Variants in FGFRL1 observed in about 807,000 individuals in gnomAD.
FGFRL1 encodes the protein fibroblast growth factor receptor like 1.
Under a neutral mutation model 36.8 loss-of-function variants are expected in FGFRL1, and 24 were observed. The observed-to-expected ratio is 0.65, with a 90% CI of 0.47 to 0.92. FGFRL1 has a LOEUF of 0.92. FGFRL1 is among the 40% of genes least tolerant of loss of function. The pLI, the probability that FGFRL1 is intolerant of heterozygous loss-of-function variation, is 0.00. For synonymous variants in FGFRL1, 422 were observed against 344.1 expected (o/e 1.23, Z -2.50); for missense variants, 785 against 753.4 (o/e 1.04, Z -0.49).
chr4:1,021,942 T>C (rs1445069492), intron 2 of FGFRL1, among the ~76,000 whole-genome samples: 3 of 152,216 alleles, frequency 2.0e-5, no homozygotes, highest in Non-Finnish European at 4.4e-5. Flanking sequence ...AGCCAGCCTC[T>C]GGGGCCACGG....
intron 3 of FGFRL1, among the ~76,000 whole-genome samples, 199 bp downstream of exon 3, chr4:1,022,674 G>T (rs1447020519): frequency 6.6e-6 from 1 of 152,182 alleles, no homozygotes; most frequent in Admixed American, 6.5e-5. Context: ...TCCTGTCCCC[G>T]TCAGGCTCCA....
In FGFRL1 at chr4:1,018,894, G is replaced by A. The variant is rs137980599; in HGVS notation, c.80-3309G>A. Among the ~76,000 whole-genome samples, 320 of 152,300 alleles carry A rather than the reference G, an allele frequency of 2.1e-3. 5 individuals are homozygous for A. In the South Asian group the frequency reaches 0.057, roughly 27 times the overall value. ...AGCAGGGGGTCCGGGGAGCCCAGGTGGGGGTGGGATAGGCCTGGCGAGGGG... is the reference window on the plus strand; with the variant it reads ...AGCAGGGGGTCCGGGGAGCCCAGGTAGGGGTGGGATAGGCCTGGCGAGGGG... On this transcript the variant is annotated intron_variant, in intron 2 of 6. Transcript: ENST00000510644.
chr4:1,013,534 C>T (rs182758657), intron 2 of FGFRL1, among the ~76,000 whole-genome samples: 1 of 130,680 alleles, frequency 7.7e-6, no homozygotes, highest in Admixed American at 7.0e-5. Context: ...CAGCACCCCC[C>T]CCTACCCCCC....
At chr4:1,012,229 G>A (rs1052623616) in intron 1 of FGFRL1, 30 of 459,914 alleles carry the variant, frequency 6.5e-5, no homozygotes, top group Non-Finnish European at 9.9e-5. Context: ...AGTTACAAGC[G>A]CCAGGAATCC....
At position 1,012,584 on chromosome 4, in the gene FGFRL1, C is replaced by T; in HGVS notation, c.79+20C>T. 2 of 1,249,762 alleles carry T rather than the reference C, an allele frequency of 1.6e-6. No homozygotes were observed. The highest frequency in any genetic ancestry group is 2.2e-6 in the Non-Finnish European group (2 of 927,582). The allele number at this position is 1,249,762 out of a possible 1,614,324, so 77.4% of individuals were successfully genotyped here. A position where few individuals can be genotyped will look rare whatever the true frequency, so the allele number is the denominator to read the frequency against. Reference sequence around the variant, plus strand: ...CCCGAGGTGAGTTCTGGCGCCCAGCCCGGCCAGCCTGGCCTCCGCCAGCGC... The same window carrying T: ...CCCGAGGTGAGTTCTGGCGCCCAGCTCGGCCAGCCTGGCCTCCGCCAGCGC... On this transcript the variant is annotated intron_variant, in intron 2 of 6. Coordinates refer to ENST00000510644, the MANE Select transcript of FGFRL1 (RefSeq NM_001004356.3).
intron 2 of FGFRL1, among the ~76,000 whole-genome samples, chr4:1,013,827 G>A (rs1047520029): frequency 3.3e-5 from 5 of 152,286 alleles, no homozygotes; most frequent in Admixed American, 1.3e-4. Flanking sequence ...GGCAGAGCCC[G>A]CCTCTTCGTG....
chr4:1,012,988 G>A (rs1332754571), intron 2 of FGFRL1, among the ~76,000 whole-genome samples: 1 of 152,200 alleles, frequency 6.6e-6, no homozygotes, highest in African/African-American at 2.4e-5. Flanking sequence ...TGGGCTATGG[G>A]AGATATTGGT....
intron 2 of FGFRL1, among the ~76,000 whole-genome samples, chr4:1,018,358 TG>T (rs139957786): frequency 0.051 from 3,699 of 72,962 alleles, 144 homozygotes; most frequent in African/African-American, 0.14. Context: ...TGGGCAGGGG[TG>T]GGGGGGGCGG....
Position 1,025,372 on chromosome 4 carries a change from C to CG in FGFRL1, c.*32dup, listed in dbSNP as rs765594414. ...GACGGCACCGTATCTGCAGTGGGCA[C>CG]GGGGGGGCCGGCCAGACAGGCAGAC... On this transcript the variant is annotated 3_prime_UTR_variant, in exon 7 of 7. Coordinates refer to ENST00000510644, the MANE Select transcript of FGFRL1 (RefSeq NM_001004356.3). The CG allele has an allele frequency of 1.8e-5, 27 of 1,518,464 alleles. No individual in the cohort carries two copies. The highest frequency in any genetic ancestry group is 4.9e-5 in the East Asian group (2 of 40,418). The allele number at this position is 1,518,464 out of a possible 1,614,324, so 94.1% of individuals were successfully genotyped here.
chr4:1,015,122 G>C (rs1369444102), intron 2 of FGFRL1, among the ~76,000 whole-genome samples: 1 of 152,180 alleles, frequency 6.6e-6, no homozygotes, highest in African/African-American at 2.4e-5. Flanking sequence ...GGCGGGCTGT[G>C]CCCGCAGACT....
Position 1,023,157 on chromosome 4 carries a change from A to G in FGFRL1, c.353-484A>G, listed in dbSNP as rs1716289473. The stretch of plus-strand genomic sequence containing the variant: ...TGGGCTCAGTGAAGGAGCGGCTGTC[A>G]CAGGGTGGATGGAGGGGACATTCCA... On this transcript the variant is annotated intron_variant, in intron 3 of 6. Coordinates refer to ENST00000510644, the MANE Select transcript of FGFRL1 (RefSeq NM_001004356.3). The surrounding 1 kb of genome is among the most constrained non-coding windows in gnomAD (Gnocchi z 6.0). Among the ~76,000 whole-genome samples, 1 of 152,128 alleles carries G rather than the reference A, an allele frequency of 6.6e-6. No homozygotes were observed. The highest frequency in any genetic ancestry group is 2.4e-5 in the African/African-American group (1 of 41,430).
rs1006492134 is a variant in FGFRL1 at position 1,026,820 on chromosome 4, A to C, written c.*1473A>C. The stretch of plus-strand genomic sequence containing the variant: ...TGTCGTGGTGGCCCCAGATCTCTGT[A>C]ATTTTATGTAGAGTTTGAGCTGAAG... On this transcript the variant is annotated 3_prime_UTR_variant, in exon 7 of 7. Transcript: ENST00000510644. The C allele has an allele frequency of 4.4e-6, 2 of 455,114 alleles. No individual in the cohort carries two copies. Among genetic ancestry groups the C allele is most frequent in the African/African-American group, 2.0e-5 (1 of 50,008 alleles). 28.2% of individuals were successfully genotyped at this position (455,114 alleles called of 1,614,324 possible).
chr4:1,018,702 G>T (rs1174463087), intron 2 of FGFRL1, among the ~76,000 whole-genome samples: 1 of 152,206 alleles, frequency 6.6e-6, no homozygotes, highest in Non-Finnish European at 1.5e-5. Flanking sequence ...CCAGGTGCCT[G>T]TGCCCTCAGG....
Position 1,024,314 on chromosome 4 carries a change from G to C in FGFRL1, c.722G>C (p.Arg241Pro). 2 of 1,597,036 alleles carry C rather than the reference G, an allele frequency of 1.3e-6. No homozygotes were observed. Among genetic ancestry groups the C allele is most frequent in the Non-Finnish European group, 1.7e-6 (2 of 1,170,666 alleles). The change falls in exon 6 of 7, where the codon CGG (arginine) becomes CCG (proline). Residue 241 changes from arginine to proline, a missense_variant. Transcript: ENST00000510644. ...NATYKVDVIQ[R>P]TRSKPVLTGT... ...CCCGCGTGCCACGTTCCCACAGAGC[G>C]GACCCGTTCCAAGCCCGTGCTCACA...
Position 1,024,434 on chromosome 4 carries a change from T to TGAA in FGFRL1, c.844_846dup (p.Lys282dup), listed in dbSNP as rs757673940. The TGAA allele has an allele frequency of 6.2e-7, 1 of 1,612,572 alleles. No individual in the cohort carries two copies. The highest frequency in any genetic ancestry group is 8.5e-7 in the Non-Finnish European group (1 of 1,179,844). On this transcript the variant is annotated inframe_insertion, in exon 6 of 7. Transcript: ENST00000510644. ...GACGTGAAGCCGGTGATCCAGTGGC[T>TGAA]GAAGCGCGTGGAGTACGGCGCCGAG...
Position 1,025,167 on chromosome 4 carries a change from G to T in FGFRL1, c.1335G>T (p.Gly445=), listed in dbSNP as rs1295254434. The T allele has an allele frequency of 3.7e-6, 6 of 1,610,440 alleles. No individual in the cohort carries two copies. Among genetic ancestry groups the T allele is most frequent in the African/African-American group, 2.7e-5 (2 of 75,018 alleles). The change falls in exon 7 of 7, where the codon GGG becomes GGT. Residue 445 remains glycine, a synonymous_variant. Coordinates refer to ENST00000510644, the MANE Select transcript of FGFRL1 (RefSeq NM_001004356.3). ...CCCTCAGCGCTGGCCCTGGTGTGGG[G>T]CTGTGTGAGGAGCATGGGTCTCCGG... ...LAALSAGPGV[G]LCEEHGSPAA...
chr4:1,016,249 G>A (rs1403258952), intron 2 of FGFRL1, among the ~76,000 whole-genome samples: 1 of 152,070 alleles, frequency 6.6e-6, no homozygotes, highest in Non-Finnish European at 1.5e-5. Context: ...TGATGCTTCT[G>A]AAGTGGGGAA....
intron 2 of FGFRL1, among the ~76,000 whole-genome samples, chr4:1,017,148 G>A (rs1715930338): frequency 1.3e-5 from 2 of 152,158 alleles, no homozygotes; most frequent in Admixed American, 1.3e-4. Flanking sequence ...AGCTTCTCCA[G>A]GAGGACTTGG....
chr4:1,010,294 C>A (rs1715521371), upstream of FGFRL1: 1 of 152,290 alleles, frequency 6.6e-6, no homozygotes, highest in Non-Finnish European at 1.5e-5. Flanking sequence ...GGCGGCTGCG[C>A]CAGCGGGGGC....
Sources: gnomAD v4.1 joint callset for allele counts (sites outside exome capture counted in the v4.1 genomes callset) on GRCh38, gnomAD v4.1.1 for gene constraint, Gnocchi (gnomAD v3.1) non-coding constraint, MANE v1.5 for transcripts, NCBI Gene and HGNC (gene_info 2026-07-23, HGNC 2026-07-21) for gene names.